SVOPL: variants seen among roughly 807,000 people sequenced by gnomAD.
SVOPL encodes SVOP like, also known as putative transporter SVOPL.
A neutral mutation model predicts 61.0 loss-of-function variants in SVOPL; 60 were observed. That is an observed-to-expected ratio of 0.98 (90% CI 0.80 to 1.22). The LOEUF (loss-of-function observed/expected upper bound fraction) is 1.22, where lower values mean the gene tolerates loss of function less well. Among genes scored for constraint, SVOPL ranks in the 50% most tolerant of loss-of-function variants. The pLI is 0.00. For missense variants in SVOPL, 662 were observed against 643.9 expected (o/e 1.03, Z -0.30); for synonymous variants, 279 against 250.0 (o/e 1.12, Z -1.09).
At chr7:138,627,546 G>A (rs1046452890) in intron 11 of SVOPL, 85 bp from the exon 12 acceptor site, 5 of 1,005,216 alleles carry the variant, frequency 5.0e-6, no homozygotes, top group East Asian at 5.2e-5. Flanking sequence ...CATCCTTGTC[G>A]TTTCAGAAAG....
chr7:138,659,771 C>T, intron 6 of SVOPL, 93 bp downstream of exon 6: 1 of 1,250,684 alleles, frequency 8.0e-7, no homozygotes, highest in South Asian at 1.5e-5. Flanking sequence ...GTTGGGTTCA[C>T]AATGCTTTTG....
chr7:138,607,523 C>T lies in SVOPL; in HGVS notation c.1354-10993G>A, dbSNP rs561274728. The stretch of plus-strand genomic sequence containing the variant: ...GGAGAGCACGGCCAGCAGTCCTTAA[C>T]GCAGGTCAAAGGTCAGGTGAGATGA... On this transcript the variant is annotated intron_variant, in intron 14 of 15. Transcript: ENST00000674285. 2.1e-3 allele frequency among the ~76,000 whole-genome samples: 320 copies of T among 152,198 alleles called. 1 individual carries two copies. Among genetic ancestry groups the T allele is most frequent in the African/African-American group, 7.1e-3 (294 of 41,548 alleles).
intron 9 of SVOPL, among the ~76,000 whole-genome samples, chr7:138,641,229 TA>T (rs5887892): frequency 0.73 from 95,063 of 130,356 alleles, 34,202 homozygotes; most frequent in East Asian, 0.78. Context: ...CTGAAATTAT[TA>T]AAAAAAAAAA....
At chr7:138,602,347 CACAT>C (rs940130163) in intron 14 of SVOPL, among the ~76,000 whole-genome samples, 3 of 151,820 alleles carry the variant, frequency 2.0e-5, no homozygotes, top group African/African-American at 7.3e-5. Context: ...CTAATTATGG[CACAT>C]ACATGCCACA....
intron 1 of SVOPL, among the ~76,000 whole-genome samples, chr7:138,695,968 G>T (rs892978784): frequency 6.6e-6 from 1 of 151,990 alleles, no homozygotes; most frequent in African/African-American, 2.4e-5. Context: ...TTTTAGTAGA[G>T]ACAGGGTTTC....
chr7:138,641,334 C>A (rs548266590), intron 9 of SVOPL, among the ~76,000 whole-genome samples: 2 of 151,298 alleles, frequency 1.3e-5, no homozygotes, highest in South Asian at 2.1e-4. Context: ...AGTAATAAGA[C>A]TAATGCATGG....
chr7:138,599,866 C>A (rs765263825), intron 14 of SVOPL, among the ~76,000 whole-genome samples: 3 of 133,292 alleles, frequency 2.3e-5, no homozygotes, highest in Non-Finnish European at 4.6e-5. Flanking sequence ...CCAGCCTGGA[C>A]GATGGAGCGA....
intron 1 of SVOPL, among the ~76,000 whole-genome samples, chr7:138,689,835 C>T (rs1466539381): frequency 1.6e-5 from 2 of 125,178 alleles, no homozygotes; most frequent in Admixed American, 9.1e-5. Flanking sequence ...CCAGTCTGGG[C>T]AACACAGTGA....
At chr7:138,645,342 T>A (rs1356731860) in intron 8 of SVOPL, among the ~76,000 whole-genome samples, 2 of 152,168 alleles carry the variant, frequency 1.3e-5, no homozygotes, top group African/African-American at 4.8e-5. Context: ...GAAAACATTA[T>A]GGACTTCCAC....
Position 138,640,439 on chromosome 7 carries a change from C to G in SVOPL, c.789+4278G>C, listed in dbSNP as rs138082031. On this transcript the variant is annotated intron_variant, in intron 9 of 15. Coordinates refer to ENST00000674285, the MANE Select transcript of SVOPL (RefSeq NM_001139456.2). ...AGAGTCAGGGTTTCTCTGTGTTGGTCAGGCTGGTCTGAAACTCCCAACCTC... is the reference window on the plus strand; with the variant it reads ...AGAGTCAGGGTTTCTCTGTGTTGGTGAGGCTGGTCTGAAACTCCCAACCTC... Among the ~76,000 whole-genome samples the G allele has an allele frequency of 4.0e-4, 61 of 152,134 alleles. No individual in the cohort carries two copies. In the East Asian group the frequency reaches 9.5e-3, roughly 24 times the overall value.
At chr7:138,620,119 G>GTTTTTTTTTTTTTTTTTTT (rs375556204) in intron 14 of SVOPL, among the ~76,000 whole-genome samples, 4 of 114,588 alleles carry the variant, frequency 3.5e-5, no homozygotes, top group Admixed American at 1.0e-4. Context: ...TTTTTTTTCT[G>GTTTTTTTTTTTTTTTTTTT]TTTTGTTTTT....
chr7:138,695,123 A>T lies in SVOPL; in HGVS notation c.-35+6055T>A, dbSNP rs182098655. On this transcript the variant is annotated intron_variant, in intron 1 of 15. Coordinates refer to ENST00000674285, the MANE Select transcript of SVOPL (RefSeq NM_001139456.2). ...TATCCAAAACTGTGTTTAGTCTTTC[A>T]ACAAATATTTCTTGAGCACTACTAG... is the stretch of plus-strand genomic sequence containing the variant. Among the ~76,000 whole-genome samples the T allele has an allele frequency of 2.6e-5, 4 of 152,354 alleles. No individual in the cohort carries two copies. The East Asian group carries it at 7.7e-4, about 29-fold the overall frequency.
In SVOPL at chr7:138,612,446, A is replaced by T. The variant is rs1320983657; in HGVS notation, c.1353+8600T>A. 1.2e-3 allele frequency among the ~76,000 whole-genome samples: 48 copies of T among 40,756 alleles called. 5 individuals carry two copies. The highest frequency in any genetic ancestry group is 3.8e-3 in the African/African-American group (44 of 11,448). The allele number at this position is 40,756 out of a possible 152,430, so 26.7% of individuals were successfully genotyped here. ...AAATAAAATAAAAAATAAAAAAAAAATAAAAAAAAAAAAAAAAGAAAGATA... is the reference window on the plus strand; with the variant it reads ...AAATAAAATAAAAAATAAAAAAAAATTAAAAAAAAAAAAAAAAGAAAGATA... On this transcript the variant is annotated intron_variant, in intron 14 of 15. Coordinates refer to ENST00000674285, the MANE Select transcript of SVOPL (RefSeq NM_001139456.2).
chr7:138,612,445 AAT>A (rs1265186027), intron 14 of SVOPL, among the ~76,000 whole-genome samples: 1 of 41,556 alleles, frequency 2.4e-5, no homozygotes, highest in African/African-American at 8.4e-5. Flanking sequence ...ATAAAAAAAA[AAT>A]AAAAAAAAAA....
At chr7:138,631,240 TG>T (rs1800175129) in intron 9 of SVOPL, among the ~76,000 whole-genome samples, 1 of 152,102 alleles carries the variant, frequency 6.6e-6, no homozygotes, top group South Asian at 2.1e-4. Flanking sequence ...TGTCTATTTA[TG>T]GGGGTACATG....
At chr7:138,663,469 G>C (rs573016688) in intron 4 of SVOPL, 3 of 1,186,594 alleles carry the variant, frequency 2.5e-6, no homozygotes, top group Non-Finnish European at 3.1e-6. Context: ...TTTTAAAATT[G>C]TCTGTTCATG....
intron 9 of SVOPL, among the ~76,000 whole-genome samples, chr7:138,633,945 G>A (rs550676631): frequency 7.2e-5 from 11 of 152,268 alleles, no homozygotes; most frequent in African/African-American, 2.4e-4. Flanking sequence ...AACTCATCCC[G>A]TGGTGGCTAC....
At chr7:138,623,420 A>G (rs1563097710) in intron 13 of SVOPL, among the ~76,000 whole-genome samples, 1 of 152,086 alleles carries the variant, frequency 6.6e-6, no homozygotes, top group Non-Finnish European at 1.5e-5. Flanking sequence ...CTAACAAGGT[A>G]AAACCCCATC....
At chr7:138,647,026 G>C (rs528453292) in intron 8 of SVOPL, among the ~76,000 whole-genome samples, 18 of 152,336 alleles carry the variant, frequency 1.2e-4, no homozygotes, top group Admixed American at 8.5e-4. Flanking sequence ...AAGACTTGAA[G>C]GTAATGACAT....
Sources: allele counts gnomAD v4.1 joint callset (sites outside exome capture counted in the v4.1 genomes callset), GRCh38; gene constraint gnomAD v4.1.1; transcripts MANE v1.5; gene names NCBI Gene and HGNC (gene_info 2026-07-23, HGNC 2026-07-21).